GMDS: variants seen among roughly 807,000 people sequenced by gnomAD.
GMDS encodes the protein GDP-mannose 4,6 dehydratase.
GMDS carries 20 observed loss-of-function variants against 49.9 expected under a neutral mutation model. The ratio of observed to expected loss-of-function variants is 0.40; its 90% confidence interval spans 0.28 to 0.58. The LOEUF (loss-of-function observed/expected upper bound fraction) is 0.58, where lower values mean the gene tolerates loss of function less well. Among genes scored for constraint, GMDS ranks in the 20% least tolerant of loss-of-function variants. The pLI is 0.42. For missense variants in GMDS, 362 were observed against 481.4 expected (o/e 0.75, Z 2.32); for synonymous variants, 177 against 178.6 (o/e 0.99, Z 0.07).
At chr6:2,116,549 CA>C (rs1774860927) in intron 3 of GMDS, among the ~76,000 whole-genome samples, 1 of 152,272 alleles carries the variant, frequency 6.6e-6, no homozygotes, top group Middle Eastern at 3.4e-3. Flanking sequence ...TGCACAAAAA[CA>C]ATAATGATTT....
At chr6:1,918,088 G>A (rs2113896216) in intron 7 of GMDS, among the ~76,000 whole-genome samples, 1 of 152,258 alleles carries the variant, frequency 6.6e-6, no homozygotes, top group Non-Finnish European at 1.5e-5. Context: ...ATTACAACAT[G>A]ACCTGCTTCT....
At chr6:2,011,567 C>T (rs1413609512) in intron 4 of GMDS, among the ~76,000 whole-genome samples, 2 of 152,064 alleles carry the variant, frequency 1.3e-5, no homozygotes, top group Non-Finnish European at 2.9e-5. Flanking sequence ...CATTGGAAGA[C>T]TGGATTAAAA....
At chr6:2,185,536 A>T (rs954311545) in intron 1 of GMDS, among the ~76,000 whole-genome samples, 2 of 152,226 alleles carry the variant, frequency 1.3e-5, no homozygotes, top group African/African-American at 4.8e-5. Context: ...GGAGCCAACA[A>T]CAATAAATAC....
chr6:2,222,390 T>C (rs1780632912), intron 1 of GMDS, among the ~76,000 whole-genome samples: 1 of 152,212 alleles, frequency 6.6e-6, no homozygotes, highest in South Asian at 2.1e-4. Flanking sequence ...CCTCAACTGC[T>C]TCCATTCTCA....
At chr6:1,880,826 T>C (rs1759325086) in intron 7 of GMDS, among the ~76,000 whole-genome samples, 1 of 152,092 alleles carries the variant, frequency 6.6e-6, no homozygotes, top group Non-Finnish European at 1.5e-5. Context: ...CAGCTGGAAA[T>C]GTCAAACACT....
chr6:2,010,730 A>G (rs896663852), intron 4 of GMDS, among the ~76,000 whole-genome samples: 5 of 152,228 alleles, frequency 3.3e-5, no homozygotes, highest in South Asian at 2.1e-4. Flanking sequence ...ATGTGGGTAA[A>G]TAAGCCTTTT....
At chr6:1,871,058 GCACACACACACA>G (rs3839602) in intron 7 of GMDS, among the ~76,000 whole-genome samples, 3,314 of 147,198 alleles carry the variant, frequency 0.023, 117 homozygotes, top group African/African-American at 0.078. Context: ...CTATCCCCCA[GCACACACACACA>G]CACACACACA....
chr6:1,862,294 T>C (rs1758226407), intron 7 of GMDS, among the ~76,000 whole-genome samples: 1 of 152,240 alleles, frequency 6.6e-6, no homozygotes, highest in Admixed American at 6.5e-5. Flanking sequence ...TTATTTTGTT[T>C]AATATTTTAA....
intron 4 of GMDS, among the ~76,000 whole-genome samples, chr6:2,058,168 G>T (rs1172878431): frequency 6.6e-6 from 1 of 152,046 alleles, no homozygotes; most frequent in Non-Finnish European, 1.5e-5. Context: ...GACCATTCTG[G>T]CCAACATGAT....
chr6:2,136,347 A>T (rs1775999276), intron 1 of GMDS, among the ~76,000 whole-genome samples: 2 of 152,236 alleles, frequency 1.3e-5, no homozygotes, highest in South Asian at 4.1e-4. Context: ...TCTCATAACG[A>T]AATTGAGTAT....
At chr6:2,150,590 T>C (rs1562099991) in intron 1 of GMDS, among the ~76,000 whole-genome samples, 1 of 152,196 alleles carries the variant, frequency 6.6e-6, no homozygotes, top group African/African-American at 2.4e-5. Context: ...TTCTCATCTA[T>C]AAAATTAGGG....
At chr6:1,911,068 C>T (rs1240345022) in intron 7 of GMDS, among the ~76,000 whole-genome samples, 1 of 152,142 alleles carries the variant, frequency 6.6e-6, no homozygotes, top group Non-Finnish European at 1.5e-5. Flanking sequence ...GGGGCTAGTT[C>T]TGAAGCATTT....
chr6:2,206,374 A>G (rs369961297), intron 1 of GMDS, among the ~76,000 whole-genome samples: 1 of 152,074 alleles, frequency 6.6e-6, no homozygotes, highest in Non-Finnish European at 1.5e-5. Flanking sequence ...GAGTGTGGTC[A>G]GACTCCAGGG....
intron 7 of GMDS, among the ~76,000 whole-genome samples, chr6:1,782,981 C>A (rs1769170034): frequency 6.6e-6 from 1 of 151,808 alleles, no homozygotes; most frequent in African/African-American, 2.4e-5. Flanking sequence ...TAGTGGGACT[C>A]CATCTTTACA....
At chr6:1,835,161 G>A (rs1756866548) in intron 7 of GMDS, among the ~76,000 whole-genome samples, 1 of 152,128 alleles carries the variant, frequency 6.6e-6, no homozygotes. Flanking sequence ...TGTTGCGTAA[G>A]GGGGGGTCTG....
intron 8 of GMDS, among the ~76,000 whole-genome samples, chr6:1,729,052 T>C (rs1318806389): frequency 6.6e-6 from 1 of 151,896 alleles, no homozygotes; most frequent in African/African-American, 2.4e-5. Context: ...GCCGATCAGG[T>C]TAATGGTATC....
chr6:1,977,403 A>C (rs1764969315), intron 4 of GMDS, among the ~76,000 whole-genome samples: 1 of 152,232 alleles, frequency 6.6e-6, no homozygotes, highest in Non-Finnish European at 1.5e-5. Context: ...TCTAGCAAAC[A>C]TAAATTTGAA....
At chr6:2,222,296 G>A (rs1780628769) in intron 1 of GMDS, among the ~76,000 whole-genome samples, 1 of 152,190 alleles carries the variant, frequency 6.6e-6, no homozygotes, top group African/African-American at 2.4e-5. Flanking sequence ...CGTCTAAAAT[G>A]CTCTCCTGGG....
intron 7 of GMDS, among the ~76,000 whole-genome samples, chr6:1,929,018 A>C (rs1015767034): frequency 1.3e-5 from 2 of 151,480 alleles, no homozygotes; most frequent in African/African-American, 4.9e-5. Context: ...TAAATGTTGC[A>C]CTATTCAAAA....
Sources: gnomAD v4.1 joint callset for allele counts (sites outside exome capture counted in the v4.1 genomes callset) on GRCh38, gnomAD v4.1.1 for gene constraint, MANE v1.5 for transcripts, NCBI Gene and HGNC (gene_info 2026-07-23, HGNC 2026-07-21) for gene names.